The following DPF3 variants were observed in gnomAD, a reference collection of about 807,000 sequenced individuals.
DPF3 encodes zinc finger protein DPF3.
Under a neutral mutation model 56.8 loss-of-function variants are expected in DPF3, and 18 were observed. That is an observed-to-expected ratio of 0.32 (90% CI 0.22 to 0.47). The LOEUF is 0.47. Ranked by LOEUF, DPF3 falls within the 20% of genes least tolerant of loss-of-function variation. The probability of loss-of-function intolerance (pLI) is 1.00; values close to 1 mark genes in which losing one functional copy is unlikely to be tolerated. For missense variants in DPF3, 403 were observed against 488.8 expected (o/e 0.82, Z 1.65); for synonymous variants, 188 against 180.2 (o/e 1.04, Z -0.35).
At chr14:72,669,830 A>G in intron 8 of DPF3, 2 of 919,246 alleles carry the variant, frequency 2.2e-6, no homozygotes, top group Non-Finnish European at 2.6e-6. Context: ...TACACTAAGA[A>G]GGGAGTCCAA....
rs147753195 is a variant in DPF3 at position 72,666,069 on chromosome 14, T to C, written c.871+8171A>G. On this transcript the variant is annotated intron_variant, in intron 8 of 10. Coordinates refer to ENST00000556509, the MANE Select transcript of DPF3 (RefSeq NM_001280542.3). ...ATCATGCAGAATGGCTTTTCCTATA[T>C]TGCTATTTTGAATAGGTGATCAGAA... Among the ~76,000 whole-genome samples the C allele has an allele frequency of 3.0e-3, 459 of 152,346 alleles. 2 individuals are homozygous for C. Among genetic ancestry groups the C allele is most frequent in the Non-Finnish European group, 4.9e-3 (336 of 68,032 alleles).
chr14:72,852,934 A>C (rs1885035486), intron 1 of DPF3, among the ~76,000 whole-genome samples: 1 of 152,150 alleles, frequency 6.6e-6, no homozygotes, highest in Non-Finnish European at 1.5e-5. Context: ...TCTGAATGGG[A>C]GTTCTCTCAA....
chr14:72,629,557 T>G, intron 9 of DPF3, 67 bp downstream of exon 9: 1 of 1,427,330 alleles, frequency 7.0e-7, no homozygotes, highest in Non-Finnish European at 9.5e-7. Flanking sequence ...CCTTCCTTCC[T>G]CTTCACCCCT....
chr14:72,893,009 A>C (rs138525640), intron 1 of DPF3, among the ~76,000 whole-genome samples: 39,229 of 118,184 alleles, frequency 0.33, 7,881 homozygotes, highest in Non-Finnish European at 0.46. Context: ...GGAAGGAAGG[A>C]AGGAAGGAAG....
At chr14:72,796,058 A>G (rs1241064275) in intron 1 of DPF3, among the ~76,000 whole-genome samples, 1 of 152,252 alleles carries the variant, frequency 6.6e-6, no homozygotes, top group East Asian at 1.9e-4. Context: ...TCTTACATGA[A>G]TCATTTGATT....
chr14:72,797,574 A>C (rs905883895), intron 1 of DPF3, among the ~76,000 whole-genome samples: 1 of 152,230 alleles, frequency 6.6e-6, no homozygotes, highest in Non-Finnish European at 1.5e-5. Flanking sequence ...GGAAAACTGA[A>C]ATCATGTAAG....
chr14:72,680,340 C>T (rs948147519), intron 7 of DPF3, among the ~76,000 whole-genome samples: 1 of 152,232 alleles, frequency 6.6e-6, no homozygotes, highest in Non-Finnish European at 1.5e-5. Flanking sequence ...GCTGGTTCTC[C>T]TTGGCCACTA....
At chr14:72,645,200 C>T (rs1257576088) in intron 8 of DPF3, among the ~76,000 whole-genome samples, 1 of 152,184 alleles carries the variant, frequency 6.6e-6, no homozygotes, top group Non-Finnish European at 1.5e-5. Flanking sequence ...CAGCTAAGAC[C>T]CAAACCAAAT....
At chr14:72,745,784 C>A (rs141041689) in intron 3 of DPF3, among the ~76,000 whole-genome samples, 54 of 152,184 alleles carry the variant, frequency 3.5e-4, no homozygotes, top group African/African-American at 1.2e-3. Flanking sequence ...GAGTCACGCG[C>A]GAAGTATCAG....
chr14:72,655,062 A>G (rs1886024606), intron 8 of DPF3, among the ~76,000 whole-genome samples: 1 of 152,184 alleles, frequency 6.6e-6, no homozygotes, highest in Admixed American at 6.5e-5. Context: ...CTGGCAATTC[A>G]TACTACATTC....
intron 6 of DPF3, among the ~76,000 whole-genome samples, chr14:72,707,670 C>CTGTGTG (rs573066542): frequency 7.4e-6 from 1 of 135,172 alleles, no homozygotes; most frequent in Non-Finnish European, 1.7e-5. Context: ...TAGTCGTCTT[C>CTGTGTG]TGTGTGCGTG....
chr14:72,878,295 A>G (rs1156268536), intron 1 of DPF3, among the ~76,000 whole-genome samples: 2 of 152,230 alleles, frequency 1.3e-5, no homozygotes, highest in Non-Finnish European at 2.9e-5. Context: ...TCTCAATACA[A>G]GAGAGAAAGG....
In DPF3 at chr14:72,773,190, C is replaced by T. The variant is rs148549887; in HGVS notation, c.33-1297G>A. Among the ~76,000 whole-genome samples, 15 of 147,724 alleles carry T rather than the reference C, an allele frequency of 1.0e-4. 1 individual carries two copies. The East Asian group carries it at 2.6e-3, about 25-fold the overall frequency. ...CTCCGTCGCCCAGGCTGGAGTGCAA[C>T]GGTGCGATCTCAGCTCACTGCAACC... On this transcript the variant is annotated intron_variant, in intron 1 of 10. Coordinates refer to ENST00000556509, the MANE Select transcript of DPF3 (RefSeq NM_001280542.3).
intron 3 of DPF3, among the ~76,000 whole-genome samples, chr14:72,746,138 A>G (rs1370670810): frequency 6.6e-6 from 1 of 152,256 alleles, no homozygotes; most frequent in Non-Finnish European, 1.5e-5. Flanking sequence ...AAACAAAACC[A>G]TATGTGCTAG....
intron 6 of DPF3, among the ~76,000 whole-genome samples, chr14:72,703,196 G>A (rs774015212): frequency 1.4e-4 from 21 of 152,176 alleles, no homozygotes; most frequent in Non-Finnish European, 2.6e-4. Flanking sequence ...GGCAGCTGCC[G>A]TCCCGTGGCT....
At chr14:72,803,725 C>T (rs574633278) in intron 1 of DPF3, among the ~76,000 whole-genome samples, 30 of 152,258 alleles carry the variant, frequency 2.0e-4, no homozygotes, top group African/African-American at 7.0e-4. Flanking sequence ...AGTGAGCATC[C>T]GATGATCGTA....
chr14:72,670,471 AG>A (rs1228720481), intron 8 of DPF3: 1 of 985,900 alleles, frequency 1.0e-6, no homozygotes, highest in Non-Finnish European at 1.2e-6. Flanking sequence ...GCAAGCAGAG[AG>A]GAAGATGGAA....
intron 3 of DPF3, among the ~76,000 whole-genome samples, chr14:72,744,831 G>A (rs1274544280): frequency 2.0e-5 from 3 of 152,138 alleles, no homozygotes; most frequent in Non-Finnish European, 4.4e-5. Flanking sequence ...CTGTCCATAG[G>A]AGAGTCTGAC....
chr14:72,658,827 C>G (rs964396841), intron 8 of DPF3, among the ~76,000 whole-genome samples: 1 of 152,204 alleles, frequency 6.6e-6, no homozygotes, highest in African/African-American at 2.4e-5. Context: ...TTCCACCTTA[C>G]CCAGACTGGC....
Sources: gnomAD v4.1 joint callset for allele counts (sites outside exome capture counted in the v4.1 genomes callset) on GRCh38, gnomAD v4.1.1 for gene constraint, MANE v1.5 for transcripts, NCBI Gene and HGNC (gene_info 2026-07-23, HGNC 2026-07-21) for gene names.